The following DOCK3 variants were observed in gnomAD, a reference collection of about 807,000 sequenced individuals.
DOCK3 encodes the protein dedicator of cytokinesis 3.
In DOCK3, 60 loss-of-function variants were observed where a neutral mutation model predicts 265.6. That is an observed-to-expected ratio of 0.23 (90% CI 0.18 to 0.28). The LOEUF (loss-of-function observed/expected upper bound fraction) is 0.28. DOCK3 is among the 10% of genes least tolerant of loss of function. The pLI is 1.00. For missense variants in DOCK3, 1,981 were observed against 2,594.3 expected, an observed-to-expected ratio of 0.76 and a Z score of 5.14; for synonymous variants, 881 against 938.0, an observed-to-expected ratio of 0.94 and a Z score of 1.11.
intron 1 of DOCK3, among the ~76,000 whole-genome samples, chr3:50,694,017 C>G (rs1362055216): frequency 2.6e-5 from 4 of 152,010 alleles, no homozygotes; most frequent in Non-Finnish European, 5.9e-5. Context: ...GCCTGTAATC[C>G]CAGCACTTTG....
chr3:51,009,901 G>T (rs912542501), intron 5 of DOCK3, among the ~76,000 whole-genome samples: 3 of 152,174 alleles, frequency 2.0e-5, no homozygotes, highest in African/African-American at 7.2e-5. Flanking sequence ...GGAGCAGGTT[G>T]TTCAGTTTCC....
chr3:50,719,064 G>A (rs2037310405), intron 1 of DOCK3, among the ~76,000 whole-genome samples: 2 of 151,998 alleles, frequency 1.3e-5, no homozygotes. Context: ...GATTACAGGC[G>A]TGAGCCACTG....
In DOCK3 at chr3:50,758,194, AAAG is replaced by A. The variant is rs551716911; in HGVS notation, c.38-20478_38-20476del. Among the ~76,000 whole-genome samples, 714 of 118,082 alleles carry A rather than the reference AAAG, an allele frequency of 6.0e-3. 165 individuals carry two copies. Among genetic ancestry groups the A allele is most frequent in the African/African-American group, 0.016 (540 of 34,492 alleles). The allele number at this position is 118,082 out of a possible 152,430, so 77.5% of individuals were successfully genotyped here. The stretch of plus-strand genomic sequence containing the variant: ...CTCTGTCTCAAAAAAAAAAAAAAAA[AAAG>A]AAAAAAAAAAAGAAAATTAATTGGA... On this transcript the variant is annotated intron_variant, in intron 1 of 52. Transcript: ENST00000266037.
At chr3:51,216,981 C>T (rs2089823026) in intron 14 of DOCK3, among the ~76,000 whole-genome samples, 1 of 152,194 alleles carries the variant, frequency 6.6e-6, no homozygotes, top group South Asian at 2.1e-4. Flanking sequence ...TCTTCTTGAC[C>T]CATGAACACG....
chr3:50,981,826 A>G (rs1254956887), intron 5 of DOCK3, among the ~76,000 whole-genome samples: 1 of 150,896 alleles, frequency 6.6e-6, no homozygotes, highest in Non-Finnish European at 1.5e-5. Context: ...GTTACTTTCA[A>G]TCTATGTTTT....
At chr3:50,882,580 C>T (rs1575438929) in intron 3 of DOCK3, among the ~76,000 whole-genome samples, 1 of 152,130 alleles carries the variant, frequency 6.6e-6, no homozygotes, top group Non-Finnish European at 1.5e-5. Flanking sequence ...CCATCACACA[C>T]CAGTTAGAAT....
chr3:51,360,697 G>T lies in DOCK3; in HGVS notation c.5006+65G>T. 3 of 1,601,332 alleles carry T rather than the reference G, an allele frequency of 1.9e-6. No homozygotes were observed. In the South Asian group the frequency reaches 3.4e-5, roughly 18 times the overall value. On this transcript the variant is annotated intron_variant, in intron 47 of 52. Transcript: ENST00000266037. ...TGAGTCTAAATTGTCAAGGGTCAGA[G>T]GAAAGAGTCCTCATGTATACTCATA...
intron 33 of DOCK3, among the ~76,000 whole-genome samples, chr3:51,331,029 G>A (rs554305061): frequency 2.0e-5 from 3 of 152,254 alleles, no homozygotes; most frequent in South Asian, 4.1e-4. Flanking sequence ...AAAATGTATT[G>A]GCATTTCTTA....
Position 50,842,902 on chromosome 3 carries a change from A to G in DOCK3, c.162+1187A>G, listed in dbSNP as rs115825476. ...TAAATGAATAGTTGTAATTTGTGAT[A>G]TTGCGTGCTATTTATTTATTTTAGT... On this transcript the variant is annotated intron_variant, in intron 3 of 52. Transcript: ENST00000266037. 3.4e-3 allele frequency among the ~76,000 whole-genome samples: 511 copies of G among 152,316 alleles called. 2 individuals carry two copies. Among genetic ancestry groups the G allele is most frequent in the African/African-American group, 0.011 (476 of 41,568 alleles).
At chr3:51,253,699 C>T (rs1030935730) in intron 22 of DOCK3, among the ~76,000 whole-genome samples, 1 of 152,070 alleles carries the variant, frequency 6.6e-6, no homozygotes, top group African/African-American at 2.4e-5. Flanking sequence ...TTCGTGGGAT[C>T]GATGGCGATA....
intron 5 of DOCK3, among the ~76,000 whole-genome samples, chr3:51,013,224 C>G (rs970572646): frequency 6.6e-6 from 1 of 152,154 alleles, no homozygotes; most frequent in Non-Finnish European, 1.5e-5. Flanking sequence ...GGAGGAGATG[C>G]AGTGCTCTGG....
intron 22 of DOCK3, among the ~76,000 whole-genome samples, chr3:51,248,922 G>A (rs1365884639): frequency 6.7e-6 from 1 of 150,306 alleles, no homozygotes; most frequent in Non-Finnish European, 1.5e-5. Flanking sequence ...CTGCCCGGCC[G>A]CCCCATCTGA....
At chr3:51,250,020 A>C (rs1352564532) in intron 22 of DOCK3, among the ~76,000 whole-genome samples, 1 of 151,828 alleles carries the variant, frequency 6.6e-6, no homozygotes, top group African/African-American at 2.4e-5. Flanking sequence ...ACTCAGAGTT[A>C]AATGGATTAA....
chr3:50,963,548 C>A lies in DOCK3; in HGVS notation c.315+29471C>A, dbSNP rs1015007024. The stretch of plus-strand genomic sequence containing the variant: ...ATTTAAAAATCAATATAGACTTCTG[C>A]TTCTGCCCACGATAAAGTCAATGGG... On this transcript the variant is annotated intron_variant, in intron 5 of 52. Coordinates refer to ENST00000266037, the MANE Select transcript of DOCK3 (RefSeq NM_004947.5). 2.0e-5 allele frequency among the ~76,000 whole-genome samples: 3 copies of A among 152,178 alleles called. No individual in the cohort carries two copies. The East Asian group carries it at 5.8e-4, about 29-fold the overall frequency.
intron 24 of DOCK3, among the ~76,000 whole-genome samples, chr3:51,273,443 T>C (rs1372615967): frequency 5.3e-5 from 8 of 152,236 alleles, no homozygotes; most frequent in Non-Finnish European, 1.0e-4. Flanking sequence ...TGATGTCCTT[T>C]AACCAGCACT....
At chr3:50,788,920 C>G (rs116991238) in intron 2 of DOCK3, among the ~76,000 whole-genome samples, 7 of 152,170 alleles carry the variant, frequency 4.6e-5, no homozygotes, top group Non-Finnish European at 8.8e-5. Flanking sequence ...TTTCAAAGAA[C>G]GAGGTTTTTG....
intron 27 of DOCK3, among the ~76,000 whole-genome samples, chr3:51,283,032 CAT>C (rs755696714): frequency 5.9e-5 from 9 of 152,210 alleles, no homozygotes; most frequent in African/African-American, 1.2e-4. Flanking sequence ...TTTAGCTTAA[CAT>C]GTGAAAATTG....
chr3:51,309,280 C>G (rs1052633813), intron 27 of DOCK3, among the ~76,000 whole-genome samples: 1 of 152,220 alleles, frequency 6.6e-6, no homozygotes, highest in Non-Finnish European at 1.5e-5. Flanking sequence ...CCACTGCACT[C>G]CAGCCTGGGC....
At chr3:51,184,120 G>A (rs2087456952) in intron 12 of DOCK3, among the ~76,000 whole-genome samples, 1 of 152,042 alleles carries the variant, frequency 6.6e-6, no homozygotes, top group Non-Finnish European at 1.5e-5. Flanking sequence ...GAGCAGCCTG[G>A]CCAACATGGC....
Sources: allele counts gnomAD v4.1 joint callset (sites outside exome capture counted in the v4.1 genomes callset), GRCh38; gene constraint gnomAD v4.1.1; transcripts MANE v1.5; gene names NCBI Gene and HGNC (gene_info 2026-07-23, HGNC 2026-07-21).